The following GPHN variants were observed in gnomAD, a reference collection of about 807,000 sequenced individuals.
The protein encoded by GPHN is gephyrin.
In GPHN, 17 loss-of-function variants were observed where a neutral mutation model predicts 95.5. That is an observed-to-expected ratio of 0.18 (90% CI 0.12 to 0.27). GPHN has a LOEUF of 0.27. Among genes scored for constraint, GPHN ranks in the 10% least tolerant of loss-of-function variants. The pLI is 1.00. For missense variants in GPHN, 660 were observed against 978.1 expected (o/e 0.67, Z 4.34); for synonymous variants, 320 against 322.5 (o/e 0.99, Z 0.08).
chr14:67,430,835 A>C, the GPHN span, among the ~76,000 whole-genome samples: 4 of 152,266 alleles, frequency 2.6e-5, no homozygotes, highest in African/African-American at 9.6e-5. Context: ...TCCCCTGAGG[A>C]TTCTGTGATC....
chr14:66,552,578 C>T (rs1054666803), intron 1 of GPHN, among the ~76,000 whole-genome samples: 5 of 152,142 alleles, frequency 3.3e-5, no homozygotes, highest in African/African-American at 1.2e-4. Context: ...GTCTGAAGAA[C>T]ACTCTTCAGC....
intron 2 of GPHN, among the ~76,000 whole-genome samples, chr14:66,713,745 GTTTT>G (rs57122060): frequency 6.8e-5 from 10 of 147,766 alleles, no homozygotes; most frequent in Non-Finnish European, 1.5e-4. Context: ...TTTCTTTGTT[GTTTT>G]TTTTTTATTT....
chr14:67,159,042 ATCTT>A, intron 18 of GPHN, among the ~76,000 whole-genome samples: 1 of 152,340 alleles, frequency 6.6e-6, no homozygotes, highest in East Asian at 1.9e-4. Context: ...ATAAAATTCT[ATCTT>A]AGAAGAGAAA....
At position 66,749,062 on chromosome 14, in the gene GPHN, A is replaced by G. The variant is rs756317357; in HGVS notation, c.144-27402A>G. Among the ~76,000 whole-genome samples, 207 of 151,864 alleles carry G rather than the reference A, an allele frequency of 1.4e-3. 6 individuals carry two copies. Among genetic ancestry groups the G allele is most frequent in the Non-Finnish European group, 3.4e-4 (23 of 67,840 alleles). On this transcript the variant is annotated intron_variant, in intron 2 of 22. Coordinates refer to ENST00000478722, the MANE Select transcript of GPHN (RefSeq NM_020806.5). ...AACCATGGATATTTTTAATGTCTCT[A>G]TAGTTTTGCTTTTTCCAAAATGTCA...
chr14:66,581,107 A>AT (rs2061146134), intron 1 of GPHN, among the ~76,000 whole-genome samples: 1 of 151,734 alleles, frequency 6.6e-6, no homozygotes, highest in Non-Finnish European at 1.5e-5. Flanking sequence ...AAACTTTAAC[A>AT]TTTTTTATGA....
At position 66,582,009 on chromosome 14, in the gene GPHN, A is replaced by G. The variant is rs80095887; in HGVS notation, c.64+73418A>G. Among the ~76,000 whole-genome samples the G allele has an allele frequency of 3.6e-3, 549 of 152,168 alleles. 10 individuals are homozygous for G. Among genetic ancestry groups the G allele is most frequent in the African/African-American group, 0.013 (524 of 41,548 alleles). On this transcript the variant is annotated intron_variant, in intron 1 of 22. Transcript: ENST00000478722. ...AGACAAAAAATGATATAGAACTTGA[A>G]CTACATCTTAGACCAAATGTAACAG... is the stretch of plus-strand genomic sequence containing the variant.
intron 2 of GPHN, among the ~76,000 whole-genome samples, chr14:66,730,657 T>C (rs1258161361): frequency 6.6e-6 from 1 of 152,208 alleles, no homozygotes; most frequent in African/African-American, 2.4e-5. Flanking sequence ...TGTGGAATTA[T>C]GTATTTTAGC....
chr14:66,788,207 G>C (rs886478553), intron 3 of GPHN, among the ~76,000 whole-genome samples: 4 of 152,184 alleles, frequency 2.6e-5, no homozygotes, highest in African/African-American at 9.7e-5. Flanking sequence ...TACTCTGGAG[G>C]CTGAGGCGGG....
At chr14:67,529,254 C>G in the GPHN span, among the ~76,000 whole-genome samples, 1 of 152,162 alleles carries the variant, frequency 6.6e-6, no homozygotes, top group Non-Finnish European at 1.5e-5. Context: ...GCTCCCATAC[C>G]CACAGGTATA....
the GPHN span, among the ~76,000 whole-genome samples, chr14:67,425,702 A>C: frequency 6.6e-6 from 1 of 152,144 alleles, no homozygotes; most frequent in Non-Finnish European, 1.5e-5. Flanking sequence ...CCTGCCTCCC[A>C]GGGACCAGCC....
the GPHN span, chr14:67,695,921 T>C: frequency 3.5e-6 from 2 of 571,220 alleles, no homozygotes; most frequent in East Asian, 5.8e-5. Flanking sequence ...TCCCCAACCA[T>C]CTAGGGCTTA....
intron 9 of GPHN, among the ~76,000 whole-genome samples, chr14:67,013,105 C>G (rs1483734635): frequency 2.0e-5 from 3 of 152,006 alleles, no homozygotes; most frequent in Non-Finnish European, 4.4e-5. Context: ...GGCGATGGCT[C>G]TGGGCAACTG....
the GPHN span, among the ~76,000 whole-genome samples, chr14:67,192,628 C>A: frequency 6.6e-6 from 1 of 151,474 alleles, no homozygotes; most frequent in Non-Finnish European, 1.5e-5. Context: ...TCAGTTTAAC[C>A]ACTGGCCACA....
the GPHN span, among the ~76,000 whole-genome samples, chr14:67,211,087 T>C: frequency 6.6e-6 from 1 of 152,216 alleles, no homozygotes; most frequent in Non-Finnish European, 1.5e-5. Flanking sequence ...CTCTATGATC[T>C]TGGGCAAGTT....
chr14:66,853,412 C>T (rs2062675119), intron 4 of GPHN, among the ~76,000 whole-genome samples: 1 of 152,138 alleles, frequency 6.6e-6, no homozygotes, highest in African/African-American at 2.4e-5. Context: ...TGTTGTCATG[C>T]TGCTAAAGAG....
chr14:67,412,135 G>C, the GPHN span: 1 of 1,278,516 alleles, frequency 7.8e-7, no homozygotes, highest in Non-Finnish European at 1.0e-6. Flanking sequence ...CGCGCAGCCC[G>C]CGCAGTCCGC....
intron 8 of GPHN, among the ~76,000 whole-genome samples, chr14:66,946,013 T>C (rs989311805): frequency 1.3e-5 from 2 of 152,186 alleles, no homozygotes; most frequent in Admixed American, 1.3e-4. Context: ...CAAAATAGTT[T>C]TACATTCCCT....
At chr14:66,940,143 C>G (rs965078617) in intron 8 of GPHN, among the ~76,000 whole-genome samples, 1 of 151,350 alleles carries the variant, frequency 6.6e-6, no homozygotes, top group African/African-American at 2.4e-5. Context: ...TAACTCTTCT[C>G]AGTTTGGAAG....
chr14:67,069,799 C>A (rs1256740957), intron 11 of GPHN, among the ~76,000 whole-genome samples: 1 of 152,204 alleles, frequency 6.6e-6, no homozygotes, highest in Non-Finnish European at 1.5e-5. Flanking sequence ...AGGAATATAT[C>A]TCTGTCTCAT....
Sources: allele counts gnomAD v4.1 joint callset (sites outside exome capture counted in the v4.1 genomes callset), GRCh38; gene constraint gnomAD v4.1.1; transcripts MANE v1.5; gene names NCBI Gene and HGNC (gene_info 2026-07-23, HGNC 2026-07-21).